TMEM8B: variants seen among roughly 807,000 people sequenced by gnomAD.
TMEM8B encodes the protein transmembrane protein 8B.
Under a neutral mutation model 49.3 loss-of-function variants are expected in TMEM8B, and 29 were observed. That is an observed-to-expected ratio of 0.59 (90% CI 0.44 to 0.80). The LOEUF (loss-of-function observed/expected upper bound fraction) is 0.80. Among genes scored for constraint, TMEM8B ranks in the 30% least tolerant of loss-of-function variants. The pLI is 0.00. For synonymous variants in TMEM8B, 264 were observed against 272.8 expected, an observed-to-expected ratio of 0.97 and a Z score of 0.32; for missense variants, 575 against 658.5, an observed-to-expected ratio of 0.87 and a Z score of 1.39.
At position 35,829,304 on chromosome 9, in the gene TMEM8B, C is replaced by G. The variant is rs1376992388; in HGVS notation, c.-144C>G. 2.7e-6 allele frequency: 1 copy of G among 366,624 alleles called. No individual in the cohort carries two copies. Among genetic ancestry groups the G allele is most frequent in the Non-Finnish European group, 4.9e-6 (1 of 205,108 alleles). The allele number at this position is 366,624 out of a possible 1,614,324, so 22.7% of individuals were successfully genotyped here. A position where few individuals can be genotyped will look rare whatever the true frequency, so the allele number is the denominator to read the frequency against. On this transcript the variant is annotated 5_prime_UTR_variant, in exon 1 of 13. Coordinates refer to ENST00000643932, the MANE Select transcript of TMEM8B (RefSeq NM_001042590.4). ...CAGCGCAGCCCGGAGTCGCCCAGGC[C>G]TGAACTCCTACCCAGGTCCCCGGCC...
At chr9:35,833,700 G>A (rs893498288) in intron 1 of TMEM8B, among the ~76,000 whole-genome samples, 2 of 152,120 alleles carry the variant, frequency 1.3e-5, no homozygotes, top group Non-Finnish European at 2.9e-5. Flanking sequence ...CATTCCCCCG[G>A]CCCCCACCTA....
rs1403901978 is a variant in TMEM8B, at chr9:35,841,705, C to T, written c.1220C>T (p.Pro407Leu). 2.4e-6 allele frequency: 1 copy of T among 415,852 alleles called. No individual in the cohort carries two copies. Among genetic ancestry groups the T allele is most frequent in the Non-Finnish European group, 4.4e-6 (1 of 226,534 alleles). The allele number at this position is 415,852 out of a possible 1,614,324, so 25.8% of individuals were successfully genotyped here. The change falls in exon 5 of 13, where the codon CCC (proline) becomes CTC (leucine). Residue 407 changes from proline to leucine, a missense_variant. Coordinates refer to ENST00000643932, the MANE Select transcript of TMEM8B (RefSeq NM_001042590.4). The surrounding 1 kb of genome is among the most constrained non-coding windows in gnomAD (Gnocchi z 5.9). ...TGCCAGCTGGAGCTGGCACTGCCCCCCTGGGGGCACTGGGTCTACGTGCGT... is the reference window on the plus strand; with the variant it reads ...TGCCAGCTGGAGCTGGCACTGCCCCTCTGGGGGCACTGGGTCTACGTGCGT... ...SGCQLELALP[P>L]WGHWVYVRVE...
At chr9:35,847,773 T>C (rs1053003560) in intron 10 of TMEM8B, among the ~76,000 whole-genome samples, 1 of 152,192 alleles carries the variant, frequency 6.6e-6, no homozygotes, top group Non-Finnish European at 1.5e-5. Context: ...ACAATCTCTT[T>C]CCTGTGTTTT....
intron 3 of TMEM8B, among the ~76,000 whole-genome samples, chr9:35,835,637 G>A (rs1184389247): frequency 6.6e-6 from 1 of 152,194 alleles, no homozygotes; most frequent in Non-Finnish European, 1.5e-5. Context: ...ACTCTCTTAG[G>A]CCACGGCCCA....
Position 35,846,000 on chromosome 9 carries a change from C to G in TMEM8B, c.1661C>G (p.Thr554Arg). Residue 554 changes from threonine to arginine, a missense_variant, in exon 7 of 13, where the codon ACG becomes AGG. Coordinates refer to ENST00000643932, the MANE Select transcript of TMEM8B (RefSeq NM_001042590.4). ...NASSVRQENV[T>R]VFGCLTHEVP... ...AGCTCCGTGCGCCAGGAAAACGTGA[C>G]GGTGTTTGGATGCTTGACTCACGAG... 5.0e-6 allele frequency: 8 copies of G among 1,613,600 alleles called. No individual in the cohort carries two copies. The highest frequency in any genetic ancestry group is 5.9e-6 in the Non-Finnish European group (7 of 1,179,934).
chr9:35,849,810 A>G (rs1831975864), intron 10 of TMEM8B, among the ~76,000 whole-genome samples: 1 of 152,258 alleles, frequency 6.6e-6, no homozygotes. Flanking sequence ...TAAGCCAAAT[A>G]TAAGAAACCA....
At chr9:35,848,102 T>C (rs975794764) in intron 10 of TMEM8B, among the ~76,000 whole-genome samples, 1 of 152,178 alleles carries the variant, frequency 6.6e-6, no homozygotes, top group Non-Finnish European at 1.5e-5. Flanking sequence ...AAAATCATAG[T>C]TCTCATCTGG....
At position 35,863,955 on chromosome 9, in the gene TMEM8B, T is replaced by G. The variant is rs1252603112; in HGVS notation, c.*10115T>G. ...CGCAGTGTCACGCTCGGTCATGGCC[T>G]GGAAGATCAGAGTCACAGAGGGATA... On this transcript the variant is annotated 3_prime_UTR_variant, in exon 13 of 13. Coordinates refer to ENST00000643932, the MANE Select transcript of TMEM8B (RefSeq NM_001042590.4). 6.6e-6 allele frequency: 1 copy of G among 152,266 alleles called. No individual in the cohort carries two copies. Among genetic ancestry groups the G allele is most frequent in the East Asian group, 1.9e-4 (1 of 5,204 alleles). 9.4% of individuals were successfully genotyped at this position (152,266 alleles called of 1,614,324 possible).
chr9:35,845,932 A>C (rs7848557), intron 6 of TMEM8B, 43 bp from the exon 7 acceptor site: 1,465,247 of 1,610,300 alleles, frequency 0.91, 668,801 homozygotes, highest in Middle Eastern at 0.94. Flanking sequence ...GTGGGTGGAG[A>C]TGGAGGATGT....
intron 6 of TMEM8B, among the ~76,000 whole-genome samples, chr9:35,844,027 A>C (rs978996067): frequency 2.0e-5 from 3 of 152,058 alleles, no homozygotes; most frequent in African/African-American, 7.3e-5. Flanking sequence ...GCCGCCCAAC[A>C]TGTTGGGTTT....
intron 10 of TMEM8B, among the ~76,000 whole-genome samples, chr9:35,852,136 C>T (rs1240786912): frequency 6.6e-6 from 1 of 152,142 alleles, no homozygotes; most frequent in Non-Finnish European, 1.5e-5. Context: ...GAGTCTGATC[C>T]GATTCCACTT....
chr9:35,853,451 G>T lies in TMEM8B; in HGVS notation c.2440-54G>T. ...AGGAAACCTGAGAGTGACCAGCTCT[G>T]GCTTGGGTTCCAGGGCTTGGCATTC... On this transcript the variant is annotated intron_variant, in intron 12 of 12. Transcript: ENST00000643932. This position sits in a 1 kb window ranked among gnomAD's most constrained non-coding sequence, Gnocchi z 4.2. 6.4e-7 allele frequency: 1 copy of T among 1,573,088 alleles called. No individual in the cohort carries two copies. The highest frequency in any genetic ancestry group is 8.6e-7 in the Non-Finnish European group (1 of 1,162,276).
chr9:35,846,764 A>G (rs1831630184), intron 9 of TMEM8B, 53 bp from the exon 10 acceptor site: 1 of 1,568,538 alleles, frequency 6.4e-7, no homozygotes, highest in Non-Finnish European at 8.6e-7. Flanking sequence ...GCTGTGGCGT[A>G]GGCCCATAGC....
Position 35,829,492 on chromosome 9 carries a change from G to A in TMEM8B, c.45G>A (p.Pro15=), listed in dbSNP as rs1304355241. 3 of 218,506 alleles carry A rather than the reference G, an allele frequency of 1.4e-5. No homozygotes were observed. 13.5% of individuals were successfully genotyped at this position (218,506 alleles called of 1,614,324 possible). A position where few individuals can be genotyped will look rare whatever the true frequency, so the allele number is the denominator to read the frequency against. The change falls in exon 1 of 13, where the codon CCG becomes CCA. Residue 15 remains proline, a synonymous_variant. Transcript: ENST00000643932. Reference sequence around the variant, plus strand: ...GGCCCCTCGTCCTATCCCAATCCCCGCCTTGGCCCCCAGCCCCGCCCTCGC... The same window carrying A: ...GGCCCCTCGTCCTATCCCAATCCCCACCTTGGCCCCCAGCCCCGCCCTCGC... ...LSRPLVLSQS[P]PWPPAPPSPR... is the part of the protein sequence containing the mutation.
chr9:35,841,637 C>T lies in TMEM8B; in HGVS notation c.1152C>T (p.Pro384=), dbSNP rs1370591227. 8 of 416,368 alleles carry T rather than the reference C, an allele frequency of 1.9e-5. No homozygotes were observed. The highest frequency in any genetic ancestry group is 6.2e-5 in the African/African-American group (3 of 48,704). 25.8% of individuals were successfully genotyped at this position (416,368 alleles called of 1,614,324 possible). The part of the protein sequence containing the change: ...LSLRLRPKAP[P]LHNSSSVACG... ...TGCGTCTGCGTCCCAAAGCCCCACC[C>T]CTGCACAACTCAAGCTCTGTGGCCT... The change falls in exon 5 of 13, where the codon CCC becomes CCT. Residue 384 remains proline (P), a synonymous_variant. Transcript: ENST00000643932. The surrounding 1 kb of genome is among the most constrained non-coding windows in gnomAD (Gnocchi z 5.9).
At chr9:35,845,620 A>G (rs775075803) in intron 6 of TMEM8B, 1 of 985,438 alleles carries the variant, frequency 1.0e-6, no homozygotes, top group Non-Finnish European at 1.2e-6. Flanking sequence ...TTTGTCCACA[A>G]TTAGTTTCTA....
Position 35,853,678 on chromosome 9 carries a change from C to A in TMEM8B, c.2613C>A (p.Gly871=). 1 of 1,614,200 alleles carries A rather than the reference C, an allele frequency of 6.2e-7. No homozygotes were observed. The highest frequency in any genetic ancestry group is 1.7e-5 in the Admixed American group (1 of 60,024). Residue 871 remains glycine (G), a synonymous_variant, in exon 13 of 13, where the codon GGC becomes GGA. Transcript: ENST00000643932. This position sits in a 1 kb window ranked among gnomAD's most constrained non-coding sequence, Gnocchi z 4.2. ...IHSIWHMLIA[G]SVGFLLPPRA... ...GCATTTGGCATATGCTCATTGCGGG[C>A]AGTGTGGGCTTCCTGCTGCCCCCTC...
In TMEM8B at chr9:35,853,745, C is replaced by T. The variant is rs757631712; in HGVS notation, c.2680C>T (p.Arg894Trp). ...CGGGGTCCCATCTGGAGCCCGGGCC[C>T]GGGGCTGTGGTTACCAGCTATGCAT... ...DHGVPSGARA[R>W]GCGYQLCINE... The change falls in exon 13 of 13, where the codon CGG (arginine) becomes TGG (tryptophan). Residue 894 changes from arginine (R) to tryptophan (W), a missense_variant. Transcript: ENST00000643932. The surrounding 1 kb of genome is among the most constrained non-coding windows in gnomAD (Gnocchi z 4.2). The T allele has an allele frequency of 6.2e-6, 10 of 1,612,814 alleles. No homozygotes were observed. Among genetic ancestry groups the T allele is most frequent in the Admixed American group, 1.7e-5 (1 of 59,962 alleles).
At chr9:35,838,729 T>G (rs114959329) in intron 3 of TMEM8B, among the ~76,000 whole-genome samples, 3,296 of 152,276 alleles carry the variant, frequency 0.022, 93 homozygotes, top group African/African-American at 0.071. Flanking sequence ...AGTCCATGCT[T>G]CTTTCTCTAG....
Sources: allele counts gnomAD v4.1 joint callset (sites outside exome capture counted in the v4.1 genomes callset), GRCh38; gene constraint gnomAD v4.1.1; non-coding constraint Gnocchi (gnomAD v3.1); transcripts MANE v1.5; gene names NCBI Gene and HGNC (gene_info 2026-07-23, HGNC 2026-07-21).